The following LINGO2 variants were observed in gnomAD, a reference collection of about 807,000 sequenced individuals.
LINGO2 encodes leucine-rich repeat and immunoglobulin-like domain-containing nogo receptor-interacting protein 2.
A neutral mutation model predicts 30.6 loss-of-function variants in LINGO2; 14 were observed. The observed-to-expected ratio is 0.46, with a 90% CI of 0.30 to 0.72. LINGO2 has a LOEUF of 0.72. Among genes scored for constraint, LINGO2 ranks in the 30% least tolerant of loss-of-function variants. LINGO2 has a pLI of 0.07. For missense variants in LINGO2, 729 were observed against 751.7 expected (o/e 0.97, Z 0.35); for synonymous variants, 317 against 288.5 (o/e 1.10, Z -1.00).
At chr9:28,019,273 TA>T (rs61388318) in intron 4 of LINGO2, among the ~76,000 whole-genome samples, 23,656 of 145,460 alleles carry the variant, frequency 0.16, 2,014 homozygotes, top group South Asian at 0.26. Flanking sequence ...ACCTAAAACT[TA>T]AAAAAAAAAA....
the LINGO2 span, among the ~76,000 whole-genome samples, chr9:28,802,264 T>C: frequency 6.6e-5 from 10 of 152,168 alleles, no homozygotes; most frequent in African/African-American, 2.4e-4. Flanking sequence ...TATTCTTTTA[T>C]AGTTGGATTT....
At chr9:28,097,125 C>G (rs926464072) in intron 4 of LINGO2, among the ~76,000 whole-genome samples, 1 of 151,866 alleles carries the variant, frequency 6.6e-6, no homozygotes, top group African/African-American at 2.4e-5. Context: ...CAAATCAAAA[C>G]CACAATGAGA....
intron 3 of LINGO2, among the ~76,000 whole-genome samples, chr9:28,342,379 G>A (rs150679852): frequency 1.5e-3 from 234 of 152,096 alleles, no homozygotes; most frequent in South Asian, 4.4e-3. Flanking sequence ...AAACTTTATC[G>A]CTACGTGTCA....
chr9:28,020,571 C>CAAAACA lies in LINGO2; in HGVS notation c.-86-8167_-86-8166insTGTTTT, dbSNP rs772117915. 4.6e-3 allele frequency among the ~76,000 whole-genome samples: 468 copies of CAAAACA among 102,370 alleles called. 2 individuals carry two copies. Among genetic ancestry groups the CAAAACA allele is most frequent in the South Asian group, 0.024 (66 of 2,736 alleles). The allele number at this position is 102,370 out of a possible 152,430, so 67.2% of individuals were successfully genotyped here. A position where few individuals can be genotyped will look rare whatever the true frequency, so the allele number is the denominator to read the frequency against. ...CAAAACAAAACAAAACAAAACAAAA[C>CAAAACA]AAACAAAACAAGAAAGTGTTACCTC... On this transcript the variant is annotated intron_variant, in intron 4 of 5. Transcript: ENST00000379992.
the LINGO2 span, among the ~76,000 whole-genome samples, chr9:29,015,416 C>G: frequency 6.6e-6 from 1 of 152,082 alleles, no homozygotes; most frequent in Non-Finnish European, 1.5e-5. Context: ...TATAGGGGGC[C>G]AGACAATAAA....
the LINGO2 span, among the ~76,000 whole-genome samples, chr9:28,791,295 A>T: frequency 1.2e-4 from 18 of 152,058 alleles, no homozygotes; most frequent in African/African-American, 4.1e-4. Context: ...TAGGATTTAA[A>T]TATGTGTTCT....
intron 1 of LINGO2, among the ~76,000 whole-genome samples, chr9:28,527,680 C>G (rs1821086335): frequency 6.6e-6 from 1 of 152,122 alleles, no homozygotes; most frequent in Non-Finnish European, 1.5e-5. Context: ...GCTCTGTGCT[C>G]CCTTAACACT....
chr9:28,913,183 T>A, the LINGO2 span, among the ~76,000 whole-genome samples: 1 of 152,134 alleles, frequency 6.6e-6, no homozygotes, highest in Admixed American at 6.5e-5. Context: ...CAAACATATG[T>A]TCCTAACAGG....
intron 4 of LINGO2, among the ~76,000 whole-genome samples, chr9:28,179,605 G>GTGTATATATACTATATATAGTATTTTAT: frequency 8.2e-6 from 1 of 121,736 alleles, no homozygotes; most frequent in African/African-American, 3.0e-5. Context: ...ATATACTATA[G>GTGTATATATACTATATATAGTATTTTAT]TGTATATATA....
In LINGO2 at chr9:28,563,349, C is replaced by A. The variant is rs192244281; in HGVS notation, c.-364-87324G>T. 1.4e-3 allele frequency among the ~76,000 whole-genome samples: 209 copies of A among 152,160 alleles called. 1 individual carries two copies. The highest frequency in any genetic ancestry group is 4.9e-3 in the African/African-American group (204 of 41,538). On this transcript the variant is annotated intron_variant, in intron 1 of 5. Coordinates refer to ENST00000379992, the Ensembl canonical transcript of LINGO2. ...GTACTTACAGAATTCTCAATTGTAACGACAAATCTAGAATATCAGGGTTTC... is the reference window on the plus strand; with the variant it reads ...GTACTTACAGAATTCTCAATTGTAAAGACAAATCTAGAATATCAGGGTTTC...
intron 2 of LINGO2, among the ~76,000 whole-genome samples, chr9:28,473,160 C>T (rs1825593148): frequency 6.6e-6 from 1 of 151,438 alleles, no homozygotes. Context: ...TTCTAACAGA[C>T]AAGTGACAAG....
At chr9:28,057,871 T>A (rs888333269) in intron 4 of LINGO2, among the ~76,000 whole-genome samples, 1 of 152,036 alleles carries the variant, frequency 6.6e-6, no homozygotes, top group African/African-American at 2.4e-5. Flanking sequence ...AGAAATCAGC[T>A]CAAGCGTTGT....
chr9:28,966,796 C>A, the LINGO2 span, among the ~76,000 whole-genome samples: 5 of 152,140 alleles, frequency 3.3e-5, no homozygotes, highest in East Asian at 5.8e-4. Context: ...AGGAAGAGTT[C>A]TTTAAACAAC....
At chr9:28,967,905 A>G in the LINGO2 span, among the ~76,000 whole-genome samples, 1 of 152,224 alleles carries the variant, frequency 6.6e-6, no homozygotes, top group African/African-American at 2.4e-5. Context: ...ATAAGTTTTC[A>G]TAAGAAGCTT....
At chr9:28,978,808 G>GA in the LINGO2 span, among the ~76,000 whole-genome samples, 11 of 148,200 alleles carry the variant, frequency 7.4e-5, no homozygotes, top group Non-Finnish European at 1.2e-4. Context: ...TTTATCCCAG[G>GA]AAAAAAAATA....
At chr9:28,906,596 G>T in the LINGO2 span, among the ~76,000 whole-genome samples, 1 of 151,806 alleles carries the variant, frequency 6.6e-6, no homozygotes, top group Non-Finnish European at 1.5e-5. Flanking sequence ...CAGAAAGGGT[G>T]TCTAATCAGT....
chr9:28,960,084 C>CA, the LINGO2 span, among the ~76,000 whole-genome samples: 1 of 151,934 alleles, frequency 6.6e-6, no homozygotes, highest in African/African-American at 2.4e-5. Flanking sequence ...GTTCTTGGAG[C>CA]AAAAAAGTAC....
intron 1 of LINGO2, among the ~76,000 whole-genome samples, chr9:28,648,391 G>T (rs531011025): frequency 1.3e-5 from 2 of 151,976 alleles, no homozygotes; most frequent in African/African-American, 4.8e-5. Flanking sequence ...TCTAAGGATC[G>T]GTCAATGCAT....
At chr9:28,107,193 A>G (rs557438613) in intron 4 of LINGO2, among the ~76,000 whole-genome samples, 1 of 152,258 alleles carries the variant, frequency 6.6e-6, no homozygotes, top group South Asian at 2.1e-4. Context: ...CTTTAGATTT[A>G]TTTTGTATGA....
Sources: allele counts gnomAD v4.1 joint callset (sites outside exome capture counted in the v4.1 genomes callset), GRCh38; gene constraint gnomAD v4.1.1; transcripts MANE v1.5; gene names NCBI Gene and HGNC (gene_info 2026-07-23, HGNC 2026-07-21).